Variants in SEL1L3 observed in about 807,000 individuals in gnomAD.
SEL1L3 encodes the protein protein sel-1 homolog 3.
A neutral mutation model predicts 142.8 loss-of-function variants in SEL1L3; 76 were observed. That is an observed-to-expected ratio of 0.53 (90% CI 0.44 to 0.64). SEL1L3 has a LOEUF of 0.64. Among genes scored for constraint, SEL1L3 ranks in the 30% least tolerant of loss-of-function variants. The pLI, the probability that SEL1L3 is intolerant of heterozygous loss-of-function variation, is 0.00. For synonymous variants in SEL1L3, 504 were observed against 519.6 expected (o/e 0.97, Z 0.41); for missense variants, 1,262 against 1,381.7 (o/e 0.91, Z 1.37).
chr4:25,823,642 G>A (rs1457994045), intron 6 of SEL1L3, among the ~76,000 whole-genome samples: 1 of 152,148 alleles, frequency 6.6e-6, no homozygotes, highest in East Asian at 1.9e-4. Context: ...TGAACAGTGA[G>A]GGGAGTGAGG....
At chr4:25,830,204 C>T in intron 5 of SEL1L3, 48 bp from the exon 6 acceptor site, 1 of 1,185,090 alleles carries the variant, frequency 8.4e-7, no homozygotes, top group Non-Finnish European at 1.3e-6. Flanking sequence ...CATCACCCTA[C>T]ATTACCTATG....
chr4:25,826,936 T>G (rs1715134538), intron 6 of SEL1L3, among the ~76,000 whole-genome samples: 1 of 152,214 alleles, frequency 6.6e-6, no homozygotes, highest in South Asian at 2.1e-4. Flanking sequence ...AGTGCTGGGA[T>G]TACAGGCGTG....
intron 1 of SEL1L3, among the ~76,000 whole-genome samples, chr4:25,852,234 A>C (rs895582819): frequency 3.9e-5 from 6 of 152,160 alleles, no homozygotes; most frequent in Non-Finnish European, 8.8e-5. Context: ...ACATTCTCCA[A>C]CACCACCCAG....
intron 9 of SEL1L3, 51 bp downstream of exon 9, chr4:25,818,087 A>T: frequency 6.3e-7 from 1 of 1,575,750 alleles, no homozygotes; most frequent in African/African-American, 1.4e-5. Context: ...ACAGAGAAAA[A>T]CAAGGAGCCT....
intron 13 of SEL1L3, among the ~76,000 whole-genome samples, chr4:25,787,456 G>T (rs1471994771): frequency 6.6e-6 from 1 of 152,118 alleles, no homozygotes; most frequent in Non-Finnish European, 1.5e-5. Context: ...AGGTAGCTGG[G>T]ATTACAGGCA....
the SEL1L3 span, among the ~76,000 whole-genome samples, chr4:25,728,017 C>G: frequency 6.6e-6 from 1 of 152,092 alleles, no homozygotes; most frequent in Admixed American, 6.6e-5. Flanking sequence ...CAATCCAGTA[C>G]GTAGTCTTCA....
chr4:25,802,927 A>G (rs529769228), intron 10 of SEL1L3, among the ~76,000 whole-genome samples: 1 of 152,302 alleles, frequency 6.6e-6, no homozygotes, highest in South Asian at 2.1e-4. Context: ...TGGTTTACAA[A>G]TTTCCAGCTA....
At chr4:25,725,206 G>A in the SEL1L3 span, among the ~76,000 whole-genome samples, 6 of 152,094 alleles carry the variant, frequency 3.9e-5, no homozygotes, top group Non-Finnish European at 8.8e-5. Context: ...AAAAAAGAAT[G>A]CAGAGCGAGT....
intron 9 of SEL1L3, among the ~76,000 whole-genome samples, chr4:25,807,987 TAAATAA>T (rs1316822732): frequency 6.6e-6 from 1 of 152,178 alleles, no homozygotes; most frequent in Non-Finnish European, 1.5e-5. Context: ...GTAGTAAATA[TAAATAA>T]AAATAATAAT....
At chr4:25,784,653 C>T (rs1560297841) in intron 13 of SEL1L3, among the ~76,000 whole-genome samples, 1 of 152,182 alleles carries the variant, frequency 6.6e-6, no homozygotes, top group Non-Finnish European at 1.5e-5. Flanking sequence ...AGAAAAAGCA[C>T]TTTATCTGTG....
chr4:25,817,402 T>C (rs1714451553), intron 9 of SEL1L3, among the ~76,000 whole-genome samples: 1 of 152,220 alleles, frequency 6.6e-6, no homozygotes, highest in Non-Finnish European at 1.5e-5. Context: ...CAGCTGCCTT[T>C]CCTCTTCCTA....
At chr4:25,714,234 C>T in the SEL1L3 span, among the ~76,000 whole-genome samples, 2 of 152,194 alleles carry the variant, frequency 1.3e-5, no homozygotes, top group Non-Finnish European at 1.5e-5. Context: ...GGACCACCAG[C>T]CTTTTTCATA....
At chr4:25,801,411 C>A (rs1447670547) in intron 11 of SEL1L3, among the ~76,000 whole-genome samples, 1 of 151,968 alleles carries the variant, frequency 6.6e-6, no homozygotes, top group African/African-American at 2.4e-5. Context: ...TCAAAAAAAA[C>A]CAACAACTTA....
downstream of SEL1L3, among the ~76,000 whole-genome samples, chr4:25,742,749 T>A (rs910528843): frequency 2.0e-5 from 3 of 152,180 alleles, no homozygotes; most frequent in African/African-American, 7.2e-5. Context: ...ATTGCTGGTG[T>A]AGGAAAACAC....
chr4:25,776,073 A>G (rs1719595182), intron 17 of SEL1L3, among the ~76,000 whole-genome samples: 1 of 152,200 alleles, frequency 6.6e-6, no homozygotes, highest in Non-Finnish European at 1.5e-5. Context: ...TCCCCTAGAG[A>G]ACAAATTTTT....
rs1444166597 is a variant in SEL1L3 at position 25,756,182 on chromosome 4, C to T, written c.3259+1352G>A. The T allele has an allele frequency of 7.1e-6, 7 of 985,372 alleles. No individual in the cohort carries two copies. The East Asian group carries it at 6.8e-4, about 96-fold the overall frequency. The allele number at this position is 985,372 out of a possible 1,614,324, so 61.0% of individuals were successfully genotyped here. A position where few individuals can be genotyped will look rare whatever the true frequency, so the allele number is the denominator to read the frequency against. On this transcript the variant is annotated intron_variant, in intron 23 of 23. Transcript: ENST00000399878. ...CAATGCCATGTCCAGTCCTAATCTA[C>T]CCATTTGTAAATGTCTCTGTTTGCC... is the stretch of plus-strand genomic sequence containing the variant.
intron 1 of SEL1L3, among the ~76,000 whole-genome samples, chr4:25,855,954 G>C (rs983462039): frequency 6.6e-6 from 1 of 152,110 alleles, no homozygotes; most frequent in Non-Finnish European, 1.5e-5. Flanking sequence ...TCCTTCCAAA[G>C]AGCCCTTACC....
At chr4:25,815,968 A>C (rs1714364512) in intron 9 of SEL1L3, among the ~76,000 whole-genome samples, 1 of 151,280 alleles carries the variant, frequency 6.6e-6, no homozygotes, top group Non-Finnish European at 1.5e-5. Flanking sequence ...TCTACAGTCC[A>C]AAATGTCAAT....
At chr4:25,756,566 G>A (rs1717977145) in intron 23 of SEL1L3, 1 of 946,266 alleles carries the variant, frequency 1.1e-6, no homozygotes, top group South Asian at 4.9e-5. Flanking sequence ...GAGAAATTTG[G>A]GGATCAGGAA....
Sources: gnomAD v4.1 joint callset for allele counts (sites outside exome capture counted in the v4.1 genomes callset) on GRCh38, gnomAD v4.1.1 for gene constraint, MANE v1.5 for transcripts, NCBI Gene and HGNC (gene_info 2026-07-23, HGNC 2026-07-21) for gene names.